PATE2: variants seen among roughly 807,000 people sequenced by gnomAD.
The protein encoded by PATE2 is prostate and testis expressed protein 2.
In PATE2, 7 loss-of-function variants were observed where a neutral mutation model predicts 10.5. That is an observed-to-expected ratio of 0.66 (90% confidence interval 0.38 to 1.25). The LOEUF (loss-of-function observed/expected upper bound fraction) is 1.25, where lower values mean the gene tolerates loss of function less well. Among genes scored for constraint, PATE2 ranks in the 50% most tolerant of loss-of-function variants. The pLI, the probability that PATE2 is intolerant of heterozygous loss-of-function variation, is 0.02. For missense variants in PATE2, 133 were observed against 135.4 expected (o/e 0.98, Z 0.09); for synonymous variants, 44 against 46.9 (o/e 0.94, Z 0.25).
chr11:125,777,264 G>T lies in PATE2; in HGVS notation c.*118C>A. Reference sequence around the variant, plus strand: ...TTATGCCTGCTTGTCTTTTCACTATGAGCTGGCTTTCTCACTCTCTACCAA... The same window carrying T: ...TTATGCCTGCTTGTCTTTTCACTATTAGCTGGCTTTCTCACTCTCTACCAA... On this transcript the variant is annotated 3_prime_UTR_variant, in exon 4 of 4. Transcript: ENST00000358524. 1 of 1,247,478 alleles carries T rather than the reference G, an allele frequency of 8.0e-7. No homozygotes were observed. Among genetic ancestry groups the T allele is most frequent in the Non-Finnish European group, 1.1e-6 (1 of 896,546 alleles). The allele number at this position is 1,247,478 out of a possible 1,614,324, so 77.3% of individuals were successfully genotyped here. A position where few individuals can be genotyped will look rare whatever the true frequency, so the allele number is the denominator to read the frequency against.
In PATE2 at chr11:125,778,590, A is replaced by C; in HGVS notation, c.53-15T>G. ...ATGAAGTTCACCTGTGAAAAGAAGA[A>C]AAACCTTCCATGTTACAGTCTCACA... On this transcript the variant is annotated splice_polypyrimidine_tract_variant and intron_variant, in intron 1 of 3. Coordinates refer to ENST00000358524, the MANE Select transcript of PATE2 (RefSeq NM_212555.3). 1 of 1,613,510 alleles carries C rather than the reference A, an allele frequency of 6.2e-7. No individual in the cohort carries two copies. Among genetic ancestry groups the C allele is most frequent in the Non-Finnish European group, 8.5e-7 (1 of 1,179,566 alleles).
Position 125,777,277 on chromosome 11 carries a change from C to G in PATE2, c.*105G>C. 1.5e-6 allele frequency: 2 copies of G among 1,358,474 alleles called. No homozygotes were observed. The highest frequency in any genetic ancestry group is 2.0e-6 in the Non-Finnish European group (2 of 988,498). 84.2% of individuals were successfully genotyped at this position (1,358,474 alleles called of 1,614,324 possible). A position where few individuals can be genotyped will look rare whatever the true frequency, so the allele number is the denominator to read the frequency against. ...TCTTTTCACTATGAGCTGGCTTTCT[C>G]ACTCTCTACCAATGCATAGAAGAGG... On this transcript the variant is annotated 3_prime_UTR_variant, in exon 4 of 4. Coordinates refer to ENST00000358524, the MANE Select transcript of PATE2 (RefSeq NM_212555.3).
chr11:125,778,636 G>A, intron 1 of PATE2, 61 bp from the exon 2 acceptor site: 3 of 1,611,766 alleles, frequency 1.9e-6, no homozygotes, highest in South Asian at 2.2e-5. Context: ...ACTGCCCCAA[G>A]AGCCAATTTT....
rs745897223 is a variant in PATE2 at position 125,777,414 on chromosome 11, T to C, written c.310A>G (p.Ser104Gly). 42 of 1,613,590 alleles carry C rather than the reference T, an allele frequency of 2.6e-5. No individual in the cohort carries two copies. The Admixed American group carries it at 4.3e-4, about 17-fold the overall frequency. The change falls in exon 4 of 4, where the codon AGT becomes GGT. Residue 104 changes from serine to glycine, a missense_variant. By Grantham distance (56) the Ser-to-Gly change is moderately conservative (BLOSUM62 0). Transcript: ENST00000358524. ...KRVELICCDH[S>G]NYCNLPEGV The stretch of plus-strand genomic sequence containing the variant: ...CCCTCAGGGAGGTTGCAGTAGTTAC[T>C]ATGATCACAACAGATGAGCTCTACC...
rs1305610334 is a variant in PATE2 at position 125,777,970 on chromosome 11, A to AT, written c.108dup (p.Tyr37IlefsTer18). 7.4e-6 allele frequency: 12 copies of AT among 1,613,166 alleles called. No individual in the cohort carries two copies. Among genetic ancestry groups the AT allele is most frequent in the Non-Finnish European group, 1.0e-5 (12 of 1,179,422 alleles). ...ACACCATAGCATAACCCAAGATGAT[A>AT]TTTTTTACATTCATAACACATTATT... On this transcript the variant is annotated frameshift_variant, in exon 3 of 4. Transcript: ENST00000358524. LOFTEE classifies it high-confidence loss of function.
rs1370563444 is a variant in PATE2, at chr11:125,776,691, C to T, written c.*691G>A. On this transcript the variant is annotated 3_prime_UTR_variant, in exon 4 of 4. Coordinates refer to ENST00000358524, the MANE Select transcript of PATE2 (RefSeq NM_212555.3). ...CCAATCACCTAGTTCAACCATGTGC[C>T]CAAGGCTGCCTGGCCAGCCAGGGCA... 3.3e-5 allele frequency: 5 copies of T among 152,218 alleles called. No individual in the cohort carries two copies. Among genetic ancestry groups the T allele is most frequent in the Non-Finnish European group, 7.3e-5 (5 of 68,068 alleles). 9.4% of individuals were successfully genotyped at this position (152,218 alleles called of 1,614,324 possible). A position where few individuals can be genotyped will look rare whatever the true frequency, so the allele number is the denominator to read the frequency against.
chr11:125,778,291 G>T (rs1414840723), intron 2 of PATE2, among the ~76,000 whole-genome samples: 3 of 152,078 alleles, frequency 2.0e-5, no homozygotes, highest in Non-Finnish European at 4.4e-5. Context: ...GGGTTCCCAT[G>T]AAATTTATCC....
chr11:125,778,555 T>C lies in PATE2; in HGVS notation c.73A>G (p.Lys25Glu). Reference sequence around the variant, plus strand: ...TTCAGAGAAGCCATGATTGTACCTTTTATAGGGTCATGAAGTTCACCTGTG... The same window carrying C: ...TTCAGAGAAGCCATGATTGTACCTTCTATAGGGTCATGAAGTTCACCTGTG... ...PYWGELHDPI[K>E]ATEIMCYECK... is the part of the protein sequence containing the mutation. Residue 25 changes from lysine (K) to glutamate (E), a missense_variant, in exon 2 of 4, where the codon AAA becomes GAA. By Grantham distance (56) the Lys-to-Glu change is moderately conservative. Coordinates refer to ENST00000358524, the MANE Select transcript of PATE2 (RefSeq NM_212555.3). The C allele has an allele frequency of 6.2e-7, 1 of 1,613,526 alleles. No homozygotes were observed. The highest frequency in any genetic ancestry group is 8.5e-7 in the Non-Finnish European group (1 of 1,179,602).
Position 125,777,517 on chromosome 11 carries a change from C to T in PATE2, c.207G>A (p.Gly69=), listed in dbSNP as rs773826044. The T allele has an allele frequency of 1.9e-6, 3 of 1,613,390 alleles. No individual in the cohort carries two copies. In the Admixed American group the frequency reaches 5.0e-5, roughly 27 times the overall value. ...VENFYILTRK[G]QSMYHYSKLS... ...GTTTTGAATAATGATACATGCTCTG[C>T]CCTGAGGAGGTAAAAGAGAGGAAAT... is the stretch of plus-strand genomic sequence containing the variant. The change falls in exon 4 of 4, where the codon GGG becomes GGA. Residue 69 remains glycine (G), a splice_region_variant and synonymous_variant. Coordinates refer to ENST00000358524, the MANE Select transcript of PATE2 (RefSeq NM_212555.3).
At chr11:125,778,343 T>C (rs1943506575) in intron 2 of PATE2, among the ~76,000 whole-genome samples, 1 of 152,098 alleles carries the variant, frequency 6.6e-6, no homozygotes, top group South Asian at 2.1e-4. Context: ...CCTGATGATT[T>C]TGCCGAGTAA....
At chr11:125,777,583 G>T (rs1943498099) in intron 3 of PATE2, 65 bp from the exon 4 acceptor site, 1 of 1,590,370 alleles carries the variant, frequency 6.3e-7, no homozygotes, top group East Asian at 2.2e-5. Flanking sequence ...GCGTTCCTAG[G>T]AGTAATCTGT....
In PATE2 at chr11:125,777,078, C is replaced by T. The variant is rs529000807; in HGVS notation, c.*304G>A. On this transcript the variant is annotated 3_prime_UTR_variant, in exon 4 of 4. Coordinates refer to ENST00000358524, the MANE Select transcript of PATE2 (RefSeq NM_212555.3). The stretch of plus-strand genomic sequence containing the variant: ...GAGATTATTATGGCCCAAGTGTTCA[C>T]ATTTTCATACAGGAGATAATAAATG... 6 of 258,546 alleles carry T rather than the reference C, an allele frequency of 2.3e-5. No homozygotes were observed. The highest frequency in any genetic ancestry group is 4.5e-5 in the Non-Finnish European group (6 of 133,754). The allele number at this position is 258,546 out of a possible 1,614,324, so 16.0% of individuals were successfully genotyped here.
Position 125,777,411 on chromosome 11 carries a change from T to C in PATE2, c.313A>G (p.Asn105Asp), listed in dbSNP as rs1460678516. The C allele has an allele frequency of 6.2e-7, 1 of 1,613,676 alleles. No individual in the cohort carries two copies. Residue 105 changes from asparagine (N) to aspartate (D), a missense_variant, in exon 4 of 4, where the codon AAC becomes GAC. Physicochemically the swap from Asn to Asp is conservative, Grantham distance 23. Coordinates refer to ENST00000358524, the MANE Select transcript of PATE2 (RefSeq NM_212555.3). ...ACTCCCTCAGGGAGGTTGCAGTAGT[T>C]ACTATGATCACAACAGATGAGCTCT... ...RVELICCDHS[N>D]YCNLPEGV
intron 2 of PATE2, 121 bp downstream of exon 2, chr11:125,778,431 C>G: frequency 8.9e-7 from 1 of 1,120,336 alleles, no homozygotes; most frequent in Admixed American, 2.1e-5. Context: ...GGAGGCGAAA[C>G]CCCTAGGATT....
In PATE2 at chr11:125,778,770, G is replaced by A. The variant is rs1415946555; in HGVS notation, c.4C>T (p.Leu2Phe). The change falls in exon 1 of 4, where the codon CTT (leucine) becomes TTT (phenylalanine). Residue 2 changes from leucine to phenylalanine, a missense_variant. Leu to Phe is a conservative substitution (Grantham distance 22). Coordinates refer to ENST00000358524, the MANE Select transcript of PATE2 (RefSeq NM_212555.3). ...ACTGTGCCCAGGAGAAAGAGAACAA[G>A]CATCCTGGAGCTTCTGTCAGGTGCA... M[L>F]VLFLLGTVFL... 6.2e-7 allele frequency: 1 copy of A among 1,613,452 alleles called. No homozygotes were observed. The highest frequency in any genetic ancestry group is 1.1e-5 in the South Asian group (1 of 91,062).
Position 125,777,525 on chromosome 11 carries a change from A to C in PATE2, c.206-7T>G. 6.2e-7 allele frequency: 1 copy of C among 1,613,210 alleles called. No individual in the cohort carries two copies. Among genetic ancestry groups the C allele is most frequent in the Non-Finnish European group, 8.5e-7 (1 of 1,179,478 alleles). ...TAATGATACATGCTCTGCCCTGAGG[A>C]GGTAAAAGAGAGGAAATATGATCAT... On this transcript the variant is annotated splice_region_variant and splice_polypyrimidine_tract_variant and intron_variant, in intron 3 of 3. Transcript: ENST00000358524.
In PATE2 at chr11:125,778,002, G is replaced by A. The variant is rs188851356; in HGVS notation, c.77C>T (p.Ala26Val). 3.6e-4 allele frequency: 585 copies of A among 1,612,188 alleles called. 2 individuals carry two copies. The highest frequency in any genetic ancestry group is 3.1e-3 in the Admixed American group (187 of 59,896). Residue 26 changes from alanine (A) to valine (V), a missense_variant and splice_region_variant, in exon 3 of 4, where the codon GCG becomes GTG. Transcript: ENST00000358524. ...ACATTCATAACACATTATTTCAGTC[G>A]CTGCCAGATACAAAAAGAGGTGCTT... Reference protein sequence around the residue: ...YWGELHDPIKATEIMCYECKK... With the variant: ...YWGELHDPIKVTEIMCYECKK...
chr11:125,778,206 T>A lies in PATE2; in HGVS notation c.77-204A>T, dbSNP rs116986989. The stretch of plus-strand genomic sequence containing the variant: ...CATTAATAAATTTGTACACATTTTC[T>A]CCAATTAAAAAAATCTTGTGAAAGA... On this transcript the variant is annotated intron_variant, in intron 2 of 3. Coordinates refer to ENST00000358524, the MANE Select transcript of PATE2 (RefSeq NM_212555.3). Among the ~76,000 whole-genome samples the A allele has an allele frequency of 1.7e-3, 262 of 152,126 alleles. 2 individuals are homozygous for A. In the East Asian group the frequency reaches 0.042, roughly 25 times the overall value.
chr11:125,778,722 C>T lies in PATE2; in HGVS notation c.52G>A (p.Gly18Ser). 5 of 1,613,532 alleles carry T rather than the reference C, an allele frequency of 3.1e-6. No individual in the cohort carries two copies. The highest frequency in any genetic ancestry group is 4.2e-6 in the Non-Finnish European group (5 of 1,179,698). ...CTTCCCCTCTGTCTCCAGGACTTAC[C>T]CCAATATGGGCAGAGCAGAAAGACT... ...GTVFLLCPYW[G>S]ELHDPIKATE... Residue 18 changes from glycine to serine, a missense_variant and splice_region_variant, in exon 1 of 4, where the codon GGT becomes AGT. By Grantham distance (56) the Gly-to-Ser change is moderately conservative. Transcript: ENST00000358524.
Sources: allele counts gnomAD v4.1 joint callset (sites outside exome capture counted in the v4.1 genomes callset), GRCh38; gene constraint gnomAD v4.1.1; transcripts MANE v1.5; gene names NCBI Gene and HGNC (gene_info 2026-07-23, HGNC 2026-07-21).